The following LRRC8C variants were observed in gnomAD, a reference collection of about 807,000 sequenced individuals.
LRRC8C encodes the protein leucine rich repeat containing 8 VRAC subunit C.
Under a neutral mutation model 55.3 loss-of-function variants are expected in LRRC8C, and 20 were observed. The ratio of observed to expected loss-of-function variants is 0.36; its 90% confidence interval spans 0.25 to 0.53. LRRC8C has a LOEUF of 0.53. LRRC8C is among the 20% of genes least tolerant of loss of function. The pLI, the probability that LRRC8C is intolerant of heterozygous loss-of-function variation, is 0.92. For missense variants in LRRC8C, 659 were observed against 951.4 expected (o/e 0.69, Z 4.04); for synonymous variants, 376 against 360.7 (o/e 1.04, Z -0.48).
chr1:89,642,697 A>G (rs1036677415), intron 1 of LRRC8C, among the ~76,000 whole-genome samples: 3 of 152,302 alleles, frequency 2.0e-5, no homozygotes, highest in African/African-American at 7.2e-5. Context: ...AAAATACAAA[A>G]ATTAGCCAGG....
chr1:89,709,539 C>T (rs991715004), intron 2 of LRRC8C, among the ~76,000 whole-genome samples: 1 of 152,150 alleles, frequency 6.6e-6, no homozygotes, highest in Non-Finnish European at 1.5e-5. Flanking sequence ...GTACAGCAGC[C>T]AAGTTCCTTA....
At chr1:89,690,563 A>C (rs1658000391) in intron 2 of LRRC8C, among the ~76,000 whole-genome samples, 1 of 115,916 alleles carries the variant, frequency 8.6e-6, no homozygotes, top group African/African-American at 2.6e-5. Context: ...GAGAAAGAAC[A>C]CAGAAAATCT....
At chr1:89,622,136 A>C in the LRRC8C span, among the ~76,000 whole-genome samples, 1 of 152,172 alleles carries the variant, frequency 6.6e-6, no homozygotes, top group Admixed American at 6.5e-5. Flanking sequence ...GTTTTAAGAT[A>C]GAAAGGGCGT....
chr1:89,626,846 T>TA, the LRRC8C span: 1 of 152,034 alleles, frequency 6.6e-6, no homozygotes, highest in Non-Finnish European at 1.5e-5. Context: ...CATCATTACA[T>TA]AGGCCCGATT....
Position 89,692,152 on chromosome 1 carries a change from C to G in LRRC8C, c.138+5541C>G, listed in dbSNP as rs1658045216. 3.3e-5 allele frequency among the ~76,000 whole-genome samples: 5 copies of G among 152,296 alleles called. No homozygotes were observed. The South Asian group carries it at 1.0e-3, about 32-fold the overall frequency. ...TATAAACAAAGGATTCTCTGTGAAG[C>G]TCAAGTTCCTTTCTCATTCCCAAGG... On this transcript the variant is annotated intron_variant, in intron 2 of 2. Coordinates refer to ENST00000370454, the MANE Select transcript of LRRC8C (RefSeq NM_032270.5).
intron 1 of LRRC8C, among the ~76,000 whole-genome samples, chr1:89,678,615 G>A (rs577716307): frequency 1.4e-4 from 21 of 151,276 alleles, no homozygotes; most frequent in African/African-American, 4.9e-4. Flanking sequence ...CAGGAGAATC[G>A]CATGAACCTG....
At chr1:89,636,813 CCTAATG>C (rs1397596884) in intron 1 of LRRC8C, among the ~76,000 whole-genome samples, 1 of 152,158 alleles carries the variant, frequency 6.6e-6, no homozygotes, top group Non-Finnish European at 1.5e-5. Flanking sequence ...CCGGCCCACT[CCTAATG>C]CTATTTTAAA....
At chr1:89,702,066 AGT>A (rs1320661532) in intron 2 of LRRC8C, among the ~76,000 whole-genome samples, 1 of 152,188 alleles carries the variant, frequency 6.6e-6, no homozygotes, top group African/African-American at 2.4e-5. Context: ...TTCAGAGGAA[AGT>A]GTGCATCTGA....
chr1:89,647,970 G>A (rs1656659233), intron 1 of LRRC8C, among the ~76,000 whole-genome samples: 1 of 152,208 alleles, frequency 6.6e-6, no homozygotes, highest in African/African-American at 2.4e-5. Context: ...TCTGGAGGCT[G>A]AGGCGGGAGG....
chr1:89,676,774 CA>C (rs1443863073), intron 1 of LRRC8C, among the ~76,000 whole-genome samples: 2 of 152,172 alleles, frequency 1.3e-5, no homozygotes, highest in East Asian at 3.8e-4. Flanking sequence ...TAATCAACCC[CA>C]TTTACAAAGG....
chr1:89,660,350 A>G (rs541125163), intron 1 of LRRC8C, among the ~76,000 whole-genome samples: 12 of 152,278 alleles, frequency 7.9e-5, no homozygotes, highest in African/African-American at 2.6e-4. Context: ...AACCTCACCT[A>G]CATGTTGGAA....
chr1:89,629,010 C>A (rs1018112999), upstream of LRRC8C, among the ~76,000 whole-genome samples: 1 of 152,112 alleles, frequency 6.6e-6, no homozygotes, highest in Admixed American at 6.5e-5. Flanking sequence ...TTTTTAGCCC[C>A]AATAGACCAC....
At chr1:89,652,931 C>A (rs1412456712) in intron 1 of LRRC8C, among the ~76,000 whole-genome samples, 1 of 152,048 alleles carries the variant, frequency 6.6e-6, no homozygotes, top group East Asian at 1.9e-4. Context: ...GAATAGGGGA[C>A]AGCAAATATA....
chr1:89,690,911 A>G (rs1481868885), intron 2 of LRRC8C, among the ~76,000 whole-genome samples: 1 of 152,198 alleles, frequency 6.6e-6, no homozygotes, highest in East Asian at 1.9e-4. Flanking sequence ...TTCAGCCGTT[A>G]AAAAGAAATC....
At chr1:89,690,017 G>C (rs1657986528) in intron 2 of LRRC8C, among the ~76,000 whole-genome samples, 1 of 152,084 alleles carries the variant, frequency 6.6e-6, no homozygotes, top group South Asian at 2.1e-4. Context: ...TTGTAAACAT[G>C]TTAGGTTTGT....
At chr1:89,638,659 A>G (rs4420069) in intron 1 of LRRC8C, among the ~76,000 whole-genome samples, 150,410 of 152,244 alleles carry the variant, frequency 0.99, 74,316 homozygotes, top group Middle Eastern at 1. Context: ...TGCAAATAAA[A>G]CATACTTTAT....
intron 1 of LRRC8C, among the ~76,000 whole-genome samples, chr1:89,663,267 G>A (rs1311717247): frequency 6.6e-5 from 10 of 152,132 alleles, no homozygotes; most frequent in Non-Finnish European, 1.3e-4. Flanking sequence ...ATTGTGAAGA[G>A]TGCTGCAATA....
At chr1:89,642,740 C>T (rs1240408226) in intron 1 of LRRC8C, among the ~76,000 whole-genome samples, 2 of 151,946 alleles carry the variant, frequency 1.3e-5, no homozygotes, top group East Asian at 1.9e-4. Context: ...CCCGGCTACG[C>T]GGGAGGCTGA....
intron 1 of LRRC8C, among the ~76,000 whole-genome samples, chr1:89,671,207 C>T (rs927260333): frequency 1.3e-5 from 2 of 151,992 alleles, no homozygotes; most frequent in Non-Finnish European, 2.9e-5. Context: ...ACATATTCTA[C>T]TATAGCTTTT....
Sources: allele counts gnomAD v4.1 joint callset (sites outside exome capture counted in the v4.1 genomes callset), GRCh38; gene constraint gnomAD v4.1.1; transcripts MANE v1.5; gene names NCBI Gene and HGNC (gene_info 2026-07-23, HGNC 2026-07-21).